The following ARHGAP42 variants were observed in gnomAD, a reference collection of about 807,000 sequenced individuals.
ARHGAP42 encodes the protein Rho GTPase activating protein 42.
Under a neutral mutation model 125.0 loss-of-function variants are expected in ARHGAP42, and 63 were observed. That is an observed-to-expected ratio of 0.50 (90% CI 0.41 to 0.62). ARHGAP42 has a LOEUF of 0.62. Ranked by LOEUF, ARHGAP42 falls within the 20% of genes least tolerant of loss-of-function variation. The pLI, the probability that ARHGAP42 is intolerant of heterozygous loss-of-function variation, is 0.00. For synonymous variants in ARHGAP42, 339 were observed against 351.0 expected (o/e 0.97, Z 0.38); for missense variants, 766 against 1,024.2 (o/e 0.75, Z 3.44).
At chr11:100,723,665 T>C (rs1439532819) in intron 1 of ARHGAP42, among the ~76,000 whole-genome samples, 2 of 152,226 alleles carry the variant, frequency 1.3e-5, no homozygotes, top group Admixed American at 1.3e-4. Context: ...AATATTTTTG[T>C]TGATTCTTTA....
At chr11:100,760,786 A>G (rs1037640835) in intron 1 of ARHGAP42, among the ~76,000 whole-genome samples, 2 of 152,186 alleles carry the variant, frequency 1.3e-5, no homozygotes, top group Non-Finnish European at 2.9e-5. Flanking sequence ...GGAGAAAGGA[A>G]GTTGTAAGAG....
chr11:100,705,565 A>G (rs1861470051), intron 1 of ARHGAP42, among the ~76,000 whole-genome samples: 1 of 152,152 alleles, frequency 6.6e-6, no homozygotes, highest in Non-Finnish European at 1.5e-5. Context: ...CTCGGTATTA[A>G]ATGTTAGTTT....
intron 5 of ARHGAP42, 118 bp from the exon 6 acceptor site, chr11:100,921,376 A>C: frequency 1.4e-6 from 1 of 708,314 alleles, no homozygotes; most frequent in Non-Finnish European, 2.3e-6. Flanking sequence ...CAAGGACTAT[A>C]ATAAGTGCTG....
intron 4 of ARHGAP42, among the ~76,000 whole-genome samples, chr11:100,899,687 GTTTGTTTTGTTTT>G (rs1866475785): frequency 8.3e-6 from 1 of 120,794 alleles, no homozygotes; most frequent in South Asian, 3.0e-4. Flanking sequence ...TTGTTTGTTT[GTTTGTTTTGTTTT>G]TTTTGTTTTG....
chr11:100,803,468 G>C (rs986112901), intron 3 of ARHGAP42, among the ~76,000 whole-genome samples: 24 of 152,182 alleles, frequency 1.6e-4, no homozygotes, highest in African/African-American at 5.5e-4. Context: ...AGTTTGATCA[G>C]ATGTGGTAGA....
chr11:100,827,938 T>G (rs1667240418), intron 3 of ARHGAP42, among the ~76,000 whole-genome samples: 1 of 152,164 alleles, frequency 6.6e-6, no homozygotes, highest in Non-Finnish European at 1.5e-5. Flanking sequence ...CTTCACCACA[T>G]GGGAGTGGGG....
At chr11:100,695,332 T>G (rs770038857) in intron 1 of ARHGAP42, among the ~76,000 whole-genome samples, 8 of 152,176 alleles carry the variant, frequency 5.3e-5, no homozygotes, top group Non-Finnish European at 1.0e-4. Context: ...TAGGATTCAT[T>G]TGCTCTTGAT....
intron 3 of ARHGAP42, among the ~76,000 whole-genome samples, chr11:100,849,087 A>G (rs1865140661): frequency 6.6e-6 from 1 of 152,234 alleles, no homozygotes; most frequent in Non-Finnish European, 1.5e-5. Context: ...TAAGACCAAA[A>G]GAGGTCAGAT....
chr11:100,937,941 G>A (rs182230993), intron 8 of ARHGAP42, among the ~76,000 whole-genome samples: 3 of 152,172 alleles, frequency 2.0e-5, no homozygotes, highest in East Asian at 1.9e-4. Context: ...TGGACTAAGC[G>A]CAGTGTTTTA....
At chr11:100,931,252 T>C (rs1411256015) in intron 6 of ARHGAP42, among the ~76,000 whole-genome samples, 16 of 152,200 alleles carry the variant, frequency 1.1e-4, no homozygotes, top group Admixed American at 1.0e-3. Flanking sequence ...GTTTTCAGAT[T>C]AGTATTAGTA....
chr11:100,822,665 A>G (rs551813563), intron 3 of ARHGAP42, among the ~76,000 whole-genome samples: 1 of 152,288 alleles, frequency 6.6e-6, no homozygotes, highest in South Asian at 2.1e-4. Flanking sequence ...GTGATATTCT[A>G]TCATTATAGA....
chr11:100,905,825 A>G (rs979854211), intron 4 of ARHGAP42, among the ~76,000 whole-genome samples: 1 of 152,126 alleles, frequency 6.6e-6, no homozygotes, highest in Non-Finnish European at 1.5e-5. Context: ...AAAGATAACC[A>G]AAATTAGCCA....
intron 2 of ARHGAP42, among the ~76,000 whole-genome samples, chr11:100,779,831 G>A (rs547746173): frequency 4.9e-4 from 75 of 151,716 alleles, no homozygotes; most frequent in African/African-American, 1.8e-3. Context: ...TTCGAGACCT[G>A]CCTGGCCAAC....
At chr11:100,901,388 AGTCT>A (rs1402706421) in intron 4 of ARHGAP42, among the ~76,000 whole-genome samples, 1 of 152,212 alleles carries the variant, frequency 6.6e-6, no homozygotes, top group Admixed American at 6.5e-5. Context: ...TTGAGGAGGC[AGTCT>A]GTCTGTTCTC....
intron 4 of ARHGAP42, among the ~76,000 whole-genome samples, chr11:100,866,305 C>T (rs1438978250): frequency 1.3e-5 from 2 of 152,138 alleles, no homozygotes; most frequent in Non-Finnish European, 2.9e-5. Context: ...GTCTTCAAAC[C>T]CCACCAAGTA....
chr11:100,735,653 G>T (rs937341928), intron 1 of ARHGAP42, among the ~76,000 whole-genome samples: 8 of 119,620 alleles, frequency 6.7e-5, no homozygotes, highest in African/African-American at 2.6e-4. Flanking sequence ...TTGTTGCCCA[G>T]GCTGGAGTGC....
chr11:100,836,676 T>C (rs1864794031), intron 3 of ARHGAP42, among the ~76,000 whole-genome samples: 1 of 151,518 alleles, frequency 6.6e-6, no homozygotes, highest in African/African-American at 2.4e-5. Context: ...CTTTTAAATG[T>C]AAAACCTAAT....
chr11:100,834,711 C>CA (rs1233455673), intron 3 of ARHGAP42, among the ~76,000 whole-genome samples: 2 of 150,740 alleles, frequency 1.3e-5, no homozygotes, highest in Non-Finnish European at 3.0e-5. Context: ...GAACTGTAGC[C>CA]AAAAAAAGAA....
At chr11:100,794,555 A>G (rs953990331) in intron 2 of ARHGAP42, among the ~76,000 whole-genome samples, 1 of 152,222 alleles carries the variant, frequency 6.6e-6, no homozygotes, top group African/African-American at 2.4e-5. Context: ...TTGAACAGCA[A>G]AGATCTAACA....
Sources: gnomAD v4.1 joint callset for allele counts (sites outside exome capture counted in the v4.1 genomes callset) on GRCh38, gnomAD v4.1.1 for gene constraint, MANE v1.5 for transcripts, NCBI Gene and HGNC (gene_info 2026-07-23, HGNC 2026-07-21) for gene names.